The following ZNF503 variants were observed in gnomAD, a reference collection of about 807,000 sequenced individuals.
The protein encoded by ZNF503 is NocA-like zinc finger 2.
A neutral mutation model predicts 34.4 loss-of-function variants in ZNF503; 15 were observed. The ratio of observed to expected loss-of-function variants is 0.44; its 90% confidence interval spans 0.29 to 0.67. ZNF503 has a LOEUF of 0.67. Among genes scored for constraint, ZNF503 ranks in the 30% least tolerant of loss-of-function variants. The probability of loss-of-function intolerance (pLI) is 0.13; values close to 1 mark genes in which losing one functional copy is unlikely to be tolerated. For missense variants in ZNF503, 1,007 were observed against 926.8 expected (o/e 1.09, Z -1.12); for synonymous variants, 580 against 456.8 (o/e 1.27, Z -3.44).
chr10:75,287,914 A>G, the ZNF503 span, among the ~76,000 whole-genome samples: 1 of 152,168 alleles, frequency 6.6e-6, no homozygotes, highest in Non-Finnish European at 1.5e-5. Context: ...ACTGTCCAGG[A>G]TAGGGTACTG....
the ZNF503 span, among the ~76,000 whole-genome samples, chr10:75,285,917 G>A: frequency 1.3e-5 from 2 of 152,156 alleles, no homozygotes; most frequent in Admixed American, 6.5e-5. Flanking sequence ...GAGGGAGCGG[G>A]TCTTGAGTTG....
the ZNF503 span, among the ~76,000 whole-genome samples, chr10:75,357,059 G>T: frequency 6.6e-6 from 1 of 152,104 alleles, no homozygotes; most frequent in East Asian, 1.9e-4. Flanking sequence ...GGGAGAATCT[G>T]TGTGTGAATT....
the ZNF503 span, among the ~76,000 whole-genome samples, chr10:75,285,414 A>G: frequency 6.6e-6 from 1 of 152,244 alleles, no homozygotes; most frequent in African/African-American, 2.4e-5. Flanking sequence ...TTGGCAGCAG[A>G]TGCCCTCCTA....
chr10:75,337,540 C>T, the ZNF503 span, among the ~76,000 whole-genome samples: 864 of 152,004 alleles, frequency 5.7e-3, 9 homozygotes, highest in African/African-American at 0.02. Context: ...ATCGCTTGAA[C>T]CCAGGAGGCA....
the ZNF503 span, among the ~76,000 whole-genome samples, chr10:75,329,381 T>TTCCTTCCTTC: frequency 6.4e-4 from 82 of 129,124 alleles, no homozygotes; most frequent in African/African-American, 2.9e-3. Flanking sequence ...CTTCTTTCTT[T>TTCCTTCCTTC]CTTCCTTCCT....
In ZNF503 at chr10:75,399,215, G is replaced by C. The variant is rs1156891034; in HGVS notation, c.1475C>G (p.Pro492Arg). The change falls in exon 2 of 2, where the codon CCG (proline) becomes CGG (arginine). Residue 492 changes from proline (P) to arginine (R), a missense_variant. By Grantham distance (103) the Pro-to-Arg change is moderately radical. Transcript: ENST00000372524. ...LTAAAAAGAT[P>R]PSLAGHPLYP... is the part of the protein sequence containing the mutation. ...GAGGGGGTGGCCGGCCAGGGAGGGC[G>C]GTGTGGCGCCAGCAGCCGCGGCGGC... The C allele has an allele frequency of 1.3e-6, 2 of 1,594,340 alleles. No homozygotes were observed. The highest frequency in any genetic ancestry group is 1.3e-5 in the African/African-American group (1 of 74,534).
At chr10:75,373,677 C>T in the ZNF503 span, among the ~76,000 whole-genome samples, 2 of 152,184 alleles carry the variant, frequency 1.3e-5, no homozygotes, top group South Asian at 2.1e-4. Flanking sequence ...GGGTGACTTA[C>T]GCAAGTCCAT....
downstream of ZNF503, among the ~76,000 whole-genome samples, chr10:75,395,921 G>A (rs140955829): frequency 9.6e-4 from 146 of 152,362 alleles, no homozygotes; most frequent in Non-Finnish European, 1.7e-3. This position sits in a 1 kb window ranked among gnomAD's most constrained non-coding sequence, Gnocchi z 4.4. Context: ...CCAGGGCGGG[G>A]GAATGTCTAG....
the ZNF503 span, among the ~76,000 whole-genome samples, chr10:75,293,157 G>A: frequency 1.8e-4 from 27 of 152,308 alleles, no homozygotes; most frequent in African/African-American, 5.5e-4. Flanking sequence ...GGAGAAGGGG[G>A]CTGTGTGTGG....
chr10:75,401,365 C>CGCCGCCGCT lies in ZNF503; in HGVS notation c.46_54dup (p.Ser16_Gly18dup). 5 of 1,539,574 alleles carry CGCCGCCGCT rather than the reference C, an allele frequency of 3.2e-6. No individual in the cohort carries two copies. Among genetic ancestry groups the CGCCGCCGCT allele is most frequent in the Admixed American group, 3.9e-5 (2 of 50,994 alleles). ...CCGCCGCCTCCGCCTCCGCCGCCGC[C>CGCCGCCGCT]GCCGCCGCTGTGCTTACTGCTTCTT... On this transcript the variant is annotated inframe_insertion, in exon 1 of 2. Transcript: ENST00000372524.
At chr10:75,392,699 T>C in the ZNF503 span, among the ~76,000 whole-genome samples, 3 of 152,026 alleles carry the variant, frequency 2.0e-5, no homozygotes, top group African/African-American at 7.2e-5. Context: ...GATGGCCAGA[T>C]TGTGGAGTGA....
the ZNF503 span, among the ~76,000 whole-genome samples, chr10:75,376,399 T>G: frequency 6.6e-6 from 1 of 152,180 alleles, no homozygotes; most frequent in Admixed American, 6.5e-5. Flanking sequence ...ATCCTAGCAC[T>G]TTGGGATGCT....
At chr10:75,363,307 C>T in the ZNF503 span, among the ~76,000 whole-genome samples, 1 of 152,086 alleles carries the variant, frequency 6.6e-6, no homozygotes, top group Non-Finnish European at 1.5e-5. Flanking sequence ...GCTGACTTGG[C>T]TCGAGCAGTC....
chr10:75,400,851 G>A, intron 1 of ZNF503: 1 of 620,612 alleles, frequency 1.6e-6, no homozygotes, highest in South Asian at 2.0e-5. Context: ...GAAGGGGCCT[G>A]GGTCGGGGTA....
At chr10:75,349,707 C>T in the ZNF503 span, among the ~76,000 whole-genome samples, 1 of 152,242 alleles carries the variant, frequency 6.6e-6, no homozygotes, top group African/African-American at 2.4e-5. Context: ...GCTGGTACCA[C>T]TGGAAGAAGA....
the ZNF503 span, among the ~76,000 whole-genome samples, chr10:75,293,441 C>T: frequency 2.0e-5 from 3 of 152,158 alleles, no homozygotes; most frequent in Non-Finnish European, 4.4e-5. Context: ...GGAGACGTTG[C>T]CTCAGCAGAT....
the ZNF503 span, among the ~76,000 whole-genome samples, chr10:75,285,408 C>A: frequency 6.6e-6 from 1 of 152,228 alleles, no homozygotes; most frequent in Non-Finnish European, 1.5e-5. Flanking sequence ...GTCTGCTTGG[C>A]AGCAGATGCC....
chr10:75,353,849 C>G, the ZNF503 span, among the ~76,000 whole-genome samples: 1 of 152,212 alleles, frequency 6.6e-6, no homozygotes, highest in Non-Finnish European at 1.5e-5. Flanking sequence ...TGCTGCTTGT[C>G]CTCAGTGGAG....
chr10:75,304,332 G>A, the ZNF503 span, among the ~76,000 whole-genome samples: 1 of 152,136 alleles, frequency 6.6e-6, no homozygotes, highest in Admixed American at 6.5e-5. Flanking sequence ...TTACTAATGT[G>A]TATCATTATT....
Sources: gnomAD v4.1 joint callset for allele counts (sites outside exome capture counted in the v4.1 genomes callset) on GRCh38, gnomAD v4.1.1 for gene constraint, Gnocchi (gnomAD v3.1) non-coding constraint, MANE v1.5 for transcripts, NCBI Gene and HGNC (gene_info 2026-07-23, HGNC 2026-07-21) for gene names.